Variants in ZNF804B observed in about 807,000 individuals in gnomAD.
ZNF804B encodes the protein zinc finger 804B.
In ZNF804B, 80 loss-of-function variants were observed where a neutral mutation model predicts 101.4. The ratio of observed to expected loss-of-function variants is 0.79; its 90% CI spans 0.66 to 0.95. The LOEUF (loss-of-function observed/expected upper bound fraction) is 0.95, where lower values mean the gene tolerates loss of function less well. Ranked by LOEUF, ZNF804B falls within the 40% of genes least tolerant of loss-of-function variation. The pLI, the probability that ZNF804B is intolerant of heterozygous loss-of-function variation, is 0.00. For missense variants in ZNF804B, 1,673 were observed against 1,561.9 expected (o/e 1.07, Z -1.20); for synonymous variants, 622 against 558.8 (o/e 1.11, Z -1.59).
intron 1 of ZNF804B, among the ~76,000 whole-genome samples, chr7:89,106,781 A>G (rs1790143280): frequency 6.6e-6 from 1 of 152,126 alleles, no homozygotes; most frequent in South Asian, 2.1e-4. Context: ...TTAGAATACA[A>G]AAACAAGACC....
chr7:88,909,834 T>G (rs1297777422), intron 1 of ZNF804B, among the ~76,000 whole-genome samples: 1 of 151,778 alleles, frequency 6.6e-6, no homozygotes, highest in African/African-American at 2.4e-5. Flanking sequence ...TTCTTGATAT[T>G]GCAAGACTGC....
intron 1 of ZNF804B, among the ~76,000 whole-genome samples, chr7:88,761,701 A>G (rs566173359): frequency 1.2e-4 from 19 of 152,294 alleles, no homozygotes; most frequent in Middle Eastern, 3.4e-3. Flanking sequence ...TGGTTATGGA[A>G]AACTAAATTG....
At chr7:88,846,168 C>T (rs1428832602) in intron 1 of ZNF804B, among the ~76,000 whole-genome samples, 2 of 152,122 alleles carry the variant, frequency 1.3e-5, no homozygotes, top group African/African-American at 4.8e-5. Context: ...TCCAATAAAT[C>T]TGTTATTGTT....
At chr7:88,948,134 G>A (rs536028331) in intron 1 of ZNF804B, among the ~76,000 whole-genome samples, 74 of 151,788 alleles carry the variant, frequency 4.9e-4, no homozygotes, top group African/African-American at 1.8e-3. Flanking sequence ...CTTGATAACC[G>A]GAGATGGGGA....
chr7:89,196,548 A>G (rs931025576), intron 1 of ZNF804B, among the ~76,000 whole-genome samples: 3 of 151,422 alleles, frequency 2.0e-5, no homozygotes, highest in African/African-American at 7.3e-5. Context: ...AGGCAATAAC[A>G]TCTGACATAG....
intron 1 of ZNF804B, among the ~76,000 whole-genome samples, chr7:88,863,394 A>G (rs1791679353): frequency 1.3e-5 from 2 of 152,212 alleles, no homozygotes; most frequent in South Asian, 2.1e-4. Flanking sequence ...CCATTTTAAT[A>G]TAATTATATT....
At chr7:88,839,933 T>C (rs1192710626) in intron 1 of ZNF804B, among the ~76,000 whole-genome samples, 1 of 152,168 alleles carries the variant, frequency 6.6e-6, no homozygotes, top group Non-Finnish European at 1.5e-5. Context: ...GGACTATTTT[T>C]AGTTTGGCTC....
intron 1 of ZNF804B, among the ~76,000 whole-genome samples, chr7:89,164,193 T>C (rs1399188815): frequency 6.6e-6 from 1 of 152,074 alleles, no homozygotes; most frequent in Admixed American, 6.6e-5. Flanking sequence ...AGAATTACTA[T>C]ATTAAGAAAA....
intron 1 of ZNF804B, among the ~76,000 whole-genome samples, chr7:89,053,142 A>C (rs1789235199): frequency 6.6e-6 from 1 of 152,144 alleles, no homozygotes; most frequent in South Asian, 2.1e-4. Context: ...GAATTTTGTA[A>C]AAGACGTTCT....
chr7:89,081,218 A>T (rs567407325), intron 1 of ZNF804B, among the ~76,000 whole-genome samples: 1 of 151,996 alleles, frequency 6.6e-6, no homozygotes, highest in East Asian at 1.9e-4. Flanking sequence ...AAACTTATTC[A>T]GTGCCAGGAA....
intron 1 of ZNF804B, among the ~76,000 whole-genome samples, chr7:88,854,529 T>TCCTTCCTTCCCTTC (rs1791521123): frequency 3.8e-4 from 22 of 57,922 alleles, no homozygotes; most frequent in African/African-American, 1.5e-3. Flanking sequence ...TTCCTTCCTT[T>TCCTTCCTTCCCTTC]CCTTCCTTCC....
At chr7:89,148,932 A>ATAG (rs1790829832) in intron 1 of ZNF804B, among the ~76,000 whole-genome samples, 2 of 152,074 alleles carry the variant, frequency 1.3e-5, no homozygotes, top group Non-Finnish European at 2.9e-5. Flanking sequence ...ATAAACAATC[A>ATAG]GGTCCACAGC....
chr7:89,048,887 A>G (rs1394270397), intron 1 of ZNF804B, among the ~76,000 whole-genome samples: 1 of 152,052 alleles, frequency 6.6e-6, no homozygotes, highest in South Asian at 2.1e-4. Flanking sequence ...AGATGCTTTT[A>G]GAGAAGGCAA....
chr7:88,925,443 C>T (rs1007091428), intron 1 of ZNF804B, among the ~76,000 whole-genome samples: 1 of 152,022 alleles, frequency 6.6e-6, no homozygotes, highest in South Asian at 2.1e-4. Flanking sequence ...TCTAATTTAA[C>T]CTGATTAGTG....
chr7:89,187,745 A>G (rs17167365), intron 1 of ZNF804B, among the ~76,000 whole-genome samples: 20,956 of 152,180 alleles, frequency 0.14, 1,501 homozygotes, highest in Admixed American at 0.18. Context: ...ATTGTCAAAA[A>G]TATTATATTA....
In ZNF804B at chr7:89,337,386, C is replaced by T. The variant is rs563498160; in HGVS notation, c.*354C>T. Among the ~76,000 whole-genome samples the T allele has an allele frequency of 6.6e-6, 1 of 152,014 alleles. No homozygotes were observed. Among genetic ancestry groups the T allele is most frequent in the African/African-American group, 2.4e-5 (1 of 41,510 alleles). ...AGAAAAATCAAATGAAATATGGCAC[C>T]CTGCGTTCTAAGTATTTGTTGTGTG... is the stretch of plus-strand genomic sequence containing the variant. On this transcript the variant is annotated 3_prime_UTR_variant, in exon 4 of 4. Transcript: ENST00000333190.
At chr7:88,791,214 T>G (rs887170115) in intron 1 of ZNF804B, among the ~76,000 whole-genome samples, 12 of 152,102 alleles carry the variant, frequency 7.9e-5, no homozygotes, top group Non-Finnish European at 1.5e-4. Flanking sequence ...CCTCCTTTAT[T>G]CAACTGCCAA....
intron 1 of ZNF804B, among the ~76,000 whole-genome samples, chr7:88,766,397 C>G (rs528174010): frequency 6.6e-6 from 1 of 152,302 alleles, no homozygotes; most frequent in East Asian, 1.9e-4. Flanking sequence ...TGAGATGACA[C>G]TCAGATAACA....
intron 1 of ZNF804B, among the ~76,000 whole-genome samples, chr7:89,190,311 G>T (rs1326838943): frequency 6.7e-6 from 1 of 149,780 alleles, no homozygotes; most frequent in African/African-American, 2.5e-5. Flanking sequence ...CTCCAGCCTG[G>T]GCAACAAGAG....
Sources: gnomAD v4.1 joint callset for allele counts (sites outside exome capture counted in the v4.1 genomes callset) on GRCh38, gnomAD v4.1.1 for gene constraint, MANE v1.5 for transcripts, NCBI Gene and HGNC (gene_info 2026-07-23, HGNC 2026-07-21) for gene names.